PRUNE2: variants seen among roughly 807,000 people sequenced by gnomAD.
PRUNE2 encodes the protein prune homolog 2 with BCH domain, also known as protein prune homolog 2.
Under a neutral mutation model 252.0 loss-of-function variants are expected in PRUNE2, and 164 were observed. The ratio of observed to expected loss-of-function variants is 0.65; its 90% CI spans 0.57 to 0.74. The LOEUF (loss-of-function observed/expected upper bound fraction) is 0.74. Among genes scored for constraint, PRUNE2 ranks in the 30% least tolerant of loss-of-function variants. The pLI is 0.00. For missense variants in PRUNE2, 3,495 were observed against 3,711.0 expected, an observed-to-expected ratio of 0.94 and a Z score of 1.51; for synonymous variants, 1,292 against 1,350.2, an observed-to-expected ratio of 0.96 and a Z score of 0.94.
intron 1 of PRUNE2, among the ~76,000 whole-genome samples, chr9:76,902,626 T>A (rs2063247364): frequency 6.6e-6 from 1 of 152,216 alleles, no homozygotes; most frequent in South Asian, 2.1e-4. Context: ...ATTCCATATG[T>A]GTCATTCCTT....
At chr9:76,676,848 G>A (rs1489570541) in intron 9 of PRUNE2, among the ~76,000 whole-genome samples, 3 of 152,162 alleles carry the variant, frequency 2.0e-5, no homozygotes, top group African/African-American at 4.8e-5. Context: ...CAGAAATAGC[G>A]AAGCACATGA....
chr9:76,618,302 T>A (rs1340053104), intron 18 of PRUNE2, among the ~76,000 whole-genome samples: 1 of 152,182 alleles, frequency 6.6e-6, no homozygotes, highest in Non-Finnish European at 1.5e-5. Context: ...TATTTCACTA[T>A]AATTTTCCAA....
chr9:76,668,387 G>A (rs2040617785), intron 9 of PRUNE2, among the ~76,000 whole-genome samples: 2 of 152,116 alleles, frequency 1.3e-5, no homozygotes, highest in African/African-American at 2.4e-5. Context: ...ATGCTATCTT[G>A]TTACTTTCAA....
intron 6 of PRUNE2, chr9:76,786,730 C>T (rs2055028690): frequency 6.6e-6 from 1 of 152,182 alleles, no homozygotes; most frequent in Non-Finnish European, 1.5e-5. Flanking sequence ...TGCCTATGGG[C>T]TATATTGCTT....
chr9:76,901,814 G>C (rs2063190897), intron 1 of PRUNE2, among the ~76,000 whole-genome samples: 1 of 152,182 alleles, frequency 6.6e-6, no homozygotes, highest in Non-Finnish European at 1.5e-5. Flanking sequence ...TTCCACAGCT[G>C]TCACTGCTGA....
chr9:76,663,341 AG>A (rs141171573), intron 9 of PRUNE2, among the ~76,000 whole-genome samples: 1,941 of 152,322 alleles, frequency 0.013, 43 homozygotes, highest in African/African-American at 0.043. Flanking sequence ...AGAGAGATGA[AG>A]GAGGGAGGTG....
chr9:76,680,958 G>A (rs983510802), intron 9 of PRUNE2, among the ~76,000 whole-genome samples: 1 of 152,092 alleles, frequency 6.6e-6, no homozygotes, highest in African/African-American at 2.4e-5. Context: ...CTCCCACAAG[G>A]CACCTCCCCC....
Position 76,823,677 on chromosome 9 carries a change from A to G in PRUNE2, c.711T>C (p.Asp237=). 6.2e-7 allele frequency: 1 copy of G among 1,612,532 alleles called. No homozygotes were observed. Among genetic ancestry groups the G allele is most frequent in the Non-Finnish European group, 8.5e-7 (1 of 1,178,634 alleles). ...TACTAATGGCCACTTTTATTTCTCCATCTGACAGCTCCTTTAGATCTTTCA... is the reference window on the plus strand; with the variant it reads ...TACTAATGGCCACTTTTATTTCTCCGTCTGACAGCTCCTTTAGATCTTTCA... ...TMLKDLKELS[D]GEIKVAISTV... Residue 237 remains aspartate, a synonymous_variant, in exon 6 of 19, where the codon GAT becomes GAC. Coordinates refer to ENST00000376718, the MANE Select transcript of PRUNE2 (RefSeq NM_015225.3).
chr9:76,791,631 T>A (rs34755373), intron 6 of PRUNE2, among the ~76,000 whole-genome samples: 2 of 118,972 alleles, frequency 1.7e-5, no homozygotes, highest in African/African-American at 7.4e-5. Context: ...CACCAATTAT[T>A]ATTGGTACAA....
chr9:76,804,600 C>G (rs561010528), intron 6 of PRUNE2, among the ~76,000 whole-genome samples: 1 of 152,290 alleles, frequency 6.6e-6, no homozygotes, highest in African/African-American at 2.4e-5. Context: ...ACCCTGTTCT[C>G]TGTGACAGCA....
intron 6 of PRUNE2, among the ~76,000 whole-genome samples, chr9:76,796,030 G>A (rs1339475491): frequency 2.6e-5 from 4 of 152,150 alleles, no homozygotes; most frequent in African/African-American, 9.7e-5. Flanking sequence ...CACTTCACAG[G>A]TGCCTCATTT....
At chr9:76,740,838 AAACT>A (rs2049550371) in intron 6 of PRUNE2, among the ~76,000 whole-genome samples, 1 of 152,220 alleles carries the variant, frequency 6.6e-6, no homozygotes, top group African/African-American at 2.4e-5. Context: ...AAAAGTTAGA[AAACT>A]AATTTTGTTT....
rs201531109 is a variant in PRUNE2 at position 76,705,234 on chromosome 9, G to A, written c.7040C>T (p.Ala2347Val). 2.9e-5 allele frequency: 46 copies of A among 1,613,992 alleles called. No individual in the cohort carries two copies. The East Asian group carries it at 9.8e-4, about 34-fold the overall frequency. ...ATCATATTCAAAATCACCCCACGAG[G>A]CTTCAGATGAGCAGATATCTTGCTT... ...LGKQDICSSEASWGDFEYDVM... is the reference protein window; with the variant it reads ...LGKQDICSSEVSWGDFEYDVM... Residue 2347 changes from alanine to valine, a missense_variant, in exon 8 of 19, where the codon GCC becomes GTC. Transcript: ENST00000376718.
chr9:76,875,729 G>C (rs1300043977), intron 1 of PRUNE2, among the ~76,000 whole-genome samples: 2 of 152,180 alleles, frequency 1.3e-5, no homozygotes, highest in African/African-American at 4.8e-5. Flanking sequence ...ATAGTAAATA[G>C]TGACTCAATA....
chr9:76,681,619 G>A (rs2043447201), intron 9 of PRUNE2, among the ~76,000 whole-genome samples: 1 of 144,500 alleles, frequency 6.9e-6, no homozygotes, highest in African/African-American at 2.6e-5. Flanking sequence ...TGCCCACCCA[G>A]GTGCACTACA....
intron 4 of PRUNE2, among the ~76,000 whole-genome samples, chr9:76,841,579 G>A (rs771018380): frequency 7.2e-5 from 11 of 152,150 alleles, no homozygotes; most frequent in Non-Finnish European, 1.0e-4. Flanking sequence ...TGAAATTCTC[G>A]CTGCCAGCAC....
intron 6 of PRUNE2, among the ~76,000 whole-genome samples, chr9:76,744,862 A>G (rs905588702): frequency 2.0e-5 from 3 of 152,184 alleles, no homozygotes; most frequent in Admixed American, 2.0e-4. Flanking sequence ...AGCAGACCAA[A>G]GGATGCTGAA....
rs935492184 is a variant in PRUNE2, at chr9:76,613,455, T to C, written c.*1115A>G. On this transcript the variant is annotated 3_prime_UTR_variant, in exon 19 of 19. Transcript: ENST00000376718. ...TTTATCGGCACTAACATTTGAATAA[T>C]TTTCATGTGTCATGAAATATTCAAA... 3.3e-5 allele frequency: 5 copies of C among 152,196 alleles called. No homozygotes were observed. The highest frequency in any genetic ancestry group is 1.2e-4 in the African/African-American group (5 of 41,450). The allele number at this position is 152,196 out of a possible 1,614,324, so 9.4% of individuals were successfully genotyped here.
chr9:76,887,842 T>C (rs1395096524), intron 1 of PRUNE2, among the ~76,000 whole-genome samples: 2 of 152,184 alleles, frequency 1.3e-5, no homozygotes, highest in African/African-American at 4.8e-5. Flanking sequence ...GCCACCGACA[T>C]TGGGGATTTT....
Sources: allele counts gnomAD v4.1 joint callset (sites outside exome capture counted in the v4.1 genomes callset), GRCh38; gene constraint gnomAD v4.1.1; transcripts MANE v1.5; gene names NCBI Gene and HGNC (gene_info 2026-07-23, HGNC 2026-07-21).